The following COL18A1 variants were observed in gnomAD, a reference collection of about 807,000 sequenced individuals.
COL18A1 encodes the protein collagen type XVIII alpha 1 chain, also known as collagen alpha-1(XVIII) chain.
A neutral mutation model predicts 168.0 loss-of-function variants in COL18A1; 133 were observed. The observed-to-expected ratio is 0.79, with a 90% confidence interval of 0.69 to 0.91. The LOEUF is 0.91. Among genes scored for constraint, COL18A1 ranks in the 40% least tolerant of loss-of-function variants. The probability of loss-of-function intolerance (pLI) is 0.00; values close to 1 mark genes in which losing one functional copy is unlikely to be tolerated. For synonymous variants in COL18A1, 949 were observed against 809.0 expected (o/e 1.17, Z -2.94); for missense variants, 2,126 against 1,925.4 (o/e 1.10, Z -1.95).
In COL18A1 at chr21:45,468,790, A is replaced by C; in HGVS notation, c.651+4A>C. The C allele has an allele frequency of 3.6e-6, 5 of 1,370,610 alleles. No homozygotes were observed. Among genetic ancestry groups the C allele is most frequent in the East Asian group, 3.8e-5 (1 of 26,632 alleles). 84.9% of individuals were successfully genotyped at this position (1,370,610 alleles called of 1,614,324 possible). ...AGCGGACCCTGACAAGTTCCAGGTA[A>C]CCCCCACTGTGCCGTCGCTGGGGGA... On this transcript the variant is annotated splice_donor_region_variant and intron_variant, in intron 3 of 41. Transcript: ENST00000651438.
chr21:45,489,528 G>T lies in COL18A1; in HGVS notation c.1959+7G>T. 6.3e-7 allele frequency: 1 copy of T among 1,588,436 alleles called. No individual in the cohort carries two copies. The highest frequency in any genetic ancestry group is 8.6e-7 in the Non-Finnish European group (1 of 1,164,530). On this transcript the variant is annotated splice_region_variant and intron_variant, in intron 19 of 41. Transcript: ENST00000651438. ...TGGGCTGCCGGGGGCGAAGGTAAGC[G>T]CTGTGCCCGGGTTCAGGGACGTGGC...
intron 26 of COL18A1, 107 bp downstream of exon 26, chr21:45,493,682 T>A: frequency 1.2e-6 from 1 of 839,622 alleles, no homozygotes; most frequent in Non-Finnish European, 1.9e-6. Context: ...CACGAGCCTC[T>A]CCCAAGCAGG....
chr21:45,421,198 G>A (rs2033612164), intron 2 of COL18A1: 1 of 356,934 alleles, frequency 2.8e-6, no homozygotes, highest in African/African-American at 2.1e-5. Flanking sequence ...AGGGACCTTG[G>A]CCAGACGGCT....
intron 2 of COL18A1, among the ~76,000 whole-genome samples, chr21:45,437,135 T>TCTC (rs1569287193): frequency 1.3e-5 from 1 of 75,992 alleles, no homozygotes; most frequent in Non-Finnish European, 2.4e-5. Context: ...ACACAGGCAC[T>TCTC]CTCCACACAC....
In COL18A1 at chr21:45,501,657, A is replaced by G. The variant is rs928192393; in HGVS notation, c.2684-2354A>G. ...CGGTCTCCCAGGTGGTGGGGCCTCC[A>G]CAGCCGGTCACCTCCCTCTGCAGAA... On this transcript the variant is annotated intron_variant, in intron 32 of 41. Coordinates refer to ENST00000651438, the MANE Select transcript of COL18A1 (RefSeq NM_001379500.1). Among the ~76,000 whole-genome samples the G allele has an allele frequency of 2.5e-4, 38 of 150,234 alleles. No individual in the cohort carries two copies. In the South Asian group the frequency reaches 7.3e-3, roughly 29 times the overall value.
At chr21:45,413,290 A>G (rs1401531609) in intron 2 of COL18A1, among the ~76,000 whole-genome samples, 1 of 152,200 alleles carries the variant, frequency 6.6e-6, no homozygotes, top group African/African-American at 2.4e-5. Context: ...TGTGTATTAG[A>G]GAGGGCAGCC....
chr21:45,470,147 G>A (rs2035359295), intron 3 of COL18A1, among the ~76,000 whole-genome samples: 1 of 152,264 alleles, frequency 6.6e-6, no homozygotes, highest in East Asian at 1.9e-4. Flanking sequence ...CCTGCGGTGA[G>A]GGCCTCCTCA....
chr21:45,495,059 G>T (rs1019814561), intron 28 of COL18A1, 144 bp downstream of exon 28: 1 of 763,004 alleles, frequency 1.3e-6, no homozygotes, highest in African/African-American at 1.7e-5. Flanking sequence ...CCCTGCCTGA[G>T]CGCAGCTCTT....
intron 15 of COL18A1, among the ~76,000 whole-genome samples, chr21:45,485,654 G>A (rs2036083380): frequency 6.6e-6 from 1 of 152,232 alleles, no homozygotes; most frequent in South Asian, 2.1e-4. Flanking sequence ...CAGCGTAGCT[G>A]TTGGAGGGTG....
chr21:45,494,785 C>G (rs1216124680), intron 27 of COL18A1, 77 bp from the exon 28 acceptor site: 8 of 1,385,636 alleles, frequency 5.8e-6, no homozygotes, highest in Non-Finnish European at 8.1e-6. Context: ...ATGGCCCCTC[C>G]CCTTCCCCAG....
rs1317151532 is a variant in COL18A1, at chr21:45,467,479, TG to T, written c.107-756del. ...ATTGTGGCCCCGAGGGGAATCAGCATGGGGGGGATGGGGAGATACAGCTTGT... is the reference window on the plus strand; with the variant it reads ...ATTGTGGCCCCGAGGGGAATCAGCATGGGGGGATGGGGAGATACAGCTTGT... On this transcript the variant is annotated intron_variant, in intron 2 of 41. Coordinates refer to ENST00000651438, the MANE Select transcript of COL18A1 (RefSeq NM_001379500.1). 12 of 963,354 alleles carry T rather than the reference TG, an allele frequency of 1.2e-5. 1 individual carries two copies. In the South Asian group the frequency reaches 1.9e-4, roughly 15 times the overall value. 59.7% of individuals were successfully genotyped at this position (963,354 alleles called of 1,614,324 possible).
At chr21:45,476,216 T>A (rs1354283839) in intron 5 of COL18A1, 135 bp from the exon 6 acceptor site, 2 of 1,352,348 alleles carry the variant, frequency 1.5e-6, no homozygotes, top group Non-Finnish European at 2.0e-6. Context: ...CGCACGGCCC[T>A]GGAGCACCCT....
chr21:45,493,052 G>A, intron 24 of COL18A1, 111 bp from the exon 25 acceptor site: 1 of 1,141,416 alleles, frequency 8.8e-7, no homozygotes, highest in Non-Finnish European at 1.3e-6. Context: ...CCCTGGTCGG[G>A]CTGTCGAGGC....
chr21:45,490,483 C>G lies in COL18A1; in HGVS notation c.2031+137C>G, dbSNP rs73907539. ...GTGCCCTCGTGGGTCCCTGGGCCTC[C>G]GTGTGCCCTCCCGGGTCTCTGGGCC... On this transcript the variant is annotated intron_variant, in intron 20 of 41. Transcript: ENST00000651438. The G allele has an allele frequency of 1.5e-6, 1 of 687,822 alleles. No individual in the cohort carries two copies. The highest frequency in any genetic ancestry group is 1.8e-5 in the South Asian group (1 of 55,218). 42.6% of individuals were successfully genotyped at this position (687,822 alleles called of 1,614,324 possible).
At chr21:45,494,636 C>T (rs2036470982) in intron 27 of COL18A1, 65 bp downstream of exon 27, 3 of 1,606,786 alleles carry the variant, frequency 1.9e-6, no homozygotes, top group Non-Finnish European at 2.6e-6. Context: ...GACACGGTCG[C>T]CCGCGGCTGC....
At chr21:45,449,777 G>A (rs2034581549) in intron 2 of COL18A1, among the ~76,000 whole-genome samples, 1 of 152,222 alleles carries the variant, frequency 6.6e-6, no homozygotes, top group African/African-American at 2.4e-5. Flanking sequence ...TGAATCTGCA[G>A]GTGGCGGCAG....
chr21:45,498,421 C>T lies in COL18A1; in HGVS notation c.2683+760C>T, dbSNP rs1176324281. On this transcript the variant is annotated intron_variant, in intron 32 of 41. Coordinates refer to ENST00000651438, the MANE Select transcript of COL18A1 (RefSeq NM_001379500.1). The surrounding 1 kb of genome is among the most constrained non-coding windows in gnomAD (Gnocchi z 4.5). ...CTCTCGCCGCCAGGGTCCCCTCTCGCCGCCACGGTCCCCTCTCGCCGCCAG... is the reference window on the plus strand; with the variant it reads ...CTCTCGCCGCCAGGGTCCCCTCTCGTCGCCACGGTCCCCTCTCGCCGCCAG... 10 of 684,282 alleles carry T rather than the reference C, an allele frequency of 1.5e-5. No homozygotes were observed. In the East Asian group the frequency reaches 2.4e-4, roughly 17 times the overall value. 42.4% of individuals were successfully genotyped at this position (684,282 alleles called of 1,614,324 possible).
At chr21:45,450,930 G>A (rs1307151851) in intron 2 of COL18A1, among the ~76,000 whole-genome samples, 3 of 152,246 alleles carry the variant, frequency 2.0e-5, no homozygotes, top group Non-Finnish European at 4.4e-5. Context: ...CACACTCCAT[G>A]GTGGGACAGC....
intron 9 of COL18A1, among the ~76,000 whole-genome samples, chr21:45,479,186 G>GT (rs2035793464): frequency 1.4e-5 from 1 of 73,458 alleles, no homozygotes; most frequent in African/African-American, 5.6e-5. Flanking sequence ...GCGTGTGTGT[G>GT]GGGGGGTGAG....
Sources: allele counts gnomAD v4.1 joint callset (sites outside exome capture counted in the v4.1 genomes callset), GRCh38; gene constraint gnomAD v4.1.1; non-coding constraint Gnocchi (gnomAD v3.1); transcripts MANE v1.5; gene names NCBI Gene and HGNC (gene_info 2026-07-23, HGNC 2026-07-21).